The following IMMP2L variants were observed in gnomAD, a reference collection of about 807,000 sequenced individuals.
IMMP2L encodes inner mitochondrial membrane peptidase subunit 2.
In IMMP2L, 18 loss-of-function variants were observed where a neutral mutation model predicts 19.3. The observed-to-expected ratio is 0.93, with a 90% CI of 0.64 to 1.38. The LOEUF (loss-of-function observed/expected upper bound fraction) is 1.38. Among genes scored for constraint, IMMP2L ranks in the 40% most tolerant of loss-of-function variants. The probability of loss-of-function intolerance (pLI) is 0.00; values close to 1 mark genes in which losing one functional copy is unlikely to be tolerated. For synonymous variants in IMMP2L, 76 were observed against 73.0 expected (o/e 1.04, Z -0.21); for missense variants, 233 against 218.2 (o/e 1.07, Z -0.43).
At chr7:111,495,337 T>C (rs977425175) in intron 2 of IMMP2L, among the ~76,000 whole-genome samples, 1 of 152,166 alleles carries the variant, frequency 6.6e-6, no homozygotes, top group African/African-American at 2.4e-5. Context: ...ACCTAAGTAC[T>C]ATATAGTTCA....
intron 5 of IMMP2L, among the ~76,000 whole-genome samples, chr7:110,795,166 C>T (rs953376688): frequency 2.0e-5 from 3 of 152,034 alleles, no homozygotes; most frequent in African/African-American, 7.2e-5. Flanking sequence ...TATGATGGAG[C>T]CCCAAATGAA....
At chr7:110,909,926 C>G (rs1003162238) in intron 4 of IMMP2L, among the ~76,000 whole-genome samples, 16 of 145,822 alleles carry the variant, frequency 1.1e-4, no homozygotes, top group African/African-American at 4.0e-4. Flanking sequence ...GAGAGATAGA[C>G]AGAGAGAGAG....
chr7:110,697,949 G>A (rs1313186199), intron 5 of IMMP2L, among the ~76,000 whole-genome samples: 1 of 152,168 alleles, frequency 6.6e-6, no homozygotes, highest in Non-Finnish European at 1.5e-5. Context: ...TAGTTTGAGA[G>A]ACTTAAATAT....
chr7:111,540,556 C>A (rs1369029696), intron 1 of IMMP2L, among the ~76,000 whole-genome samples: 1 of 152,092 alleles, frequency 6.6e-6, no homozygotes, highest in Non-Finnish European at 1.5e-5. Flanking sequence ...GCACTGTAAC[C>A]CACAAGGCCC....
At chr7:111,225,564 T>C (rs565917912) in intron 3 of IMMP2L, among the ~76,000 whole-genome samples, 1 of 151,912 alleles carries the variant, frequency 6.6e-6, no homozygotes, top group South Asian at 2.1e-4. Flanking sequence ...AAATAGTCTA[T>C]AGGAAAGTAC....
intron 5 of IMMP2L, among the ~76,000 whole-genome samples, chr7:110,814,274 T>A (rs1291853008): frequency 6.6e-6 from 1 of 151,918 alleles, no homozygotes; most frequent in African/African-American, 2.4e-5. Flanking sequence ...CATTTTAAGG[T>A]AGCAAAATCA....
chr7:111,290,497 T>A (rs1326816304), intron 3 of IMMP2L, among the ~76,000 whole-genome samples: 2 of 150,904 alleles, frequency 1.3e-5, no homozygotes, highest in Non-Finnish European at 2.9e-5. Context: ...CATGATTGAC[T>A]TCTTTTTAAA....
intron 5 of IMMP2L, among the ~76,000 whole-genome samples, chr7:110,831,552 A>G (rs1368140016): frequency 6.6e-6 from 1 of 152,196 alleles, no homozygotes; most frequent in Non-Finnish European, 1.5e-5. Context: ...AATATGCTGC[A>G]TATTTAGCCA....
At chr7:111,226,009 T>A (rs2129621890) in intron 3 of IMMP2L, among the ~76,000 whole-genome samples, 1 of 152,274 alleles carries the variant, frequency 6.6e-6, no homozygotes, top group East Asian at 1.9e-4. Context: ...AATTTGGGTT[T>A]GAACAGACAA....
At chr7:110,841,236 T>C (rs976250459) in intron 5 of IMMP2L, among the ~76,000 whole-genome samples, 8 of 152,012 alleles carry the variant, frequency 5.3e-5, no homozygotes, top group Admixed American at 2.0e-4. Flanking sequence ...AGTGAAATGA[T>C]TACTATAGGT....
chr7:110,747,093 T>A (rs1427497039), intron 5 of IMMP2L, among the ~76,000 whole-genome samples: 2 of 152,086 alleles, frequency 1.3e-5, no homozygotes, highest in South Asian at 4.2e-4. Context: ...CACAGAAATA[T>A]AAACTACCAT....
At chr7:111,516,007 G>T (rs878868873) in intron 2 of IMMP2L, among the ~76,000 whole-genome samples, 1 of 152,060 alleles carries the variant, frequency 6.6e-6, no homozygotes, top group Admixed American at 6.6e-5. Flanking sequence ...TTAGTGAAAT[G>T]GACAGCACTG....
chr7:110,688,377 T>C (rs945958509), intron 5 of IMMP2L, among the ~76,000 whole-genome samples: 2 of 152,100 alleles, frequency 1.3e-5, no homozygotes, highest in Non-Finnish European at 2.9e-5. Context: ...AACAGACAGC[T>C]AGGAACAACA....
intron 3 of IMMP2L, among the ~76,000 whole-genome samples, chr7:111,288,996 T>C (rs935133875): frequency 2.6e-5 from 4 of 152,064 alleles, no homozygotes; most frequent in Non-Finnish European, 4.4e-5. Flanking sequence ...CTGTTGACAA[T>C]AGCAAAGACT....
chr7:111,392,386 ACTT>A (rs1445501849), intron 3 of IMMP2L, among the ~76,000 whole-genome samples: 1 of 152,116 alleles, frequency 6.6e-6, no homozygotes, highest in Non-Finnish European at 1.5e-5. Flanking sequence ...TGATGTGACT[ACTT>A]TTTTATTTTA....
chr7:111,555,548 C>G (rs1239019333), intron 1 of IMMP2L, among the ~76,000 whole-genome samples: 1 of 152,018 alleles, frequency 6.6e-6, no homozygotes, highest in Non-Finnish European at 1.5e-5. Context: ...AGCATACAGA[C>G]ATGTTGTTTC....
chr7:111,040,419 T>C (rs1196842660), intron 3 of IMMP2L, among the ~76,000 whole-genome samples: 1 of 152,102 alleles, frequency 6.6e-6, no homozygotes, highest in Non-Finnish European at 1.5e-5. Context: ...TTATTCTTAC[T>C]GAAGCAAATA....
intron 3 of IMMP2L, among the ~76,000 whole-genome samples, chr7:111,459,250 T>A (rs1324626912): frequency 6.6e-6 from 1 of 152,136 alleles, no homozygotes; most frequent in Non-Finnish European, 1.5e-5. Flanking sequence ...ATCTCCTTAG[T>A]GTAGCAGTCC....
chr7:111,268,458 C>G (rs1464090269), intron 3 of IMMP2L, among the ~76,000 whole-genome samples: 1 of 64,686 alleles, frequency 1.5e-5, no homozygotes, highest in Non-Finnish European at 2.9e-5. Flanking sequence ...TGCTGGGTTT[C>G]AAAAATTTTG....
Sources: allele counts gnomAD v4.1 joint callset (sites outside exome capture counted in the v4.1 genomes callset), GRCh38; gene constraint gnomAD v4.1.1; transcripts MANE v1.5; gene names NCBI Gene and HGNC (gene_info 2026-07-23, HGNC 2026-07-21).